Variants in CST7 observed in about 807,000 individuals in gnomAD.
The protein encoded by CST7 is cystatin-F.
Under a neutral mutation model 13.1 loss-of-function variants are expected in CST7, and 15 were observed. That is an observed-to-expected ratio of 1.14 (90% CI 0.77 to 1.76). The LOEUF (loss-of-function observed/expected upper bound fraction) is 1.76. CST7 is among the 40% of genes most tolerant of loss of function. CST7 has a pLI of 0.00. For synonymous variants in CST7, 75 were observed against 66.9 expected (o/e 1.12, Z -0.59); for missense variants, 193 against 178.8 (o/e 1.08, Z -0.45).
chr20:24,950,618 G>A (rs537609822), intron 1 of CST7, among the ~76,000 whole-genome samples: 1 of 152,312 alleles, frequency 6.6e-6, no homozygotes, highest in East Asian at 1.9e-4. Flanking sequence ...ACCGCCACCA[G>A]CTCTGGGTAG....
intron 1 of CST7, among the ~76,000 whole-genome samples, chr20:24,952,862 G>A (rs1466024499): frequency 6.6e-6 from 1 of 152,202 alleles, no homozygotes; most frequent in Non-Finnish European, 1.5e-5. Context: ...CTGAAAGAGG[G>A]AGGAGGTGGG....
intron 1 of CST7, among the ~76,000 whole-genome samples, chr20:24,954,519 T>C (rs893674989): frequency 6.6e-6 from 1 of 152,226 alleles, no homozygotes; most frequent in Non-Finnish European, 1.5e-5. Context: ...TGATCAACAT[T>C]TCCTTGTTAA....
At chr20:24,954,350 T>C (rs1487983139) in intron 1 of CST7, among the ~76,000 whole-genome samples, 1 of 152,162 alleles carries the variant, frequency 6.6e-6, no homozygotes, top group Admixed American at 6.5e-5. Context: ...CTGCCTTCAG[T>C]TGCACGGAGC....
chr20:24,958,786 C>G (rs535079163), intron 2 of CST7, 142 bp from the exon 3 acceptor site: 3 of 670,344 alleles, frequency 4.5e-6, no homozygotes, highest in Admixed American at 2.2e-5. Context: ...GCCGTAAGCC[C>G]GAAGCATTGC....
Position 24,959,737 on chromosome 20 carries a change from A to G in CST7, c.*25A>G. 2.5e-6 allele frequency: 4 copies of G among 1,610,560 alleles called. No homozygotes were observed. Among genetic ancestry groups the G allele is most frequent in the Non-Finnish European group, 2.5e-6 (3 of 1,176,896 alleles). ...ACCCCCGCCTCTTCAGCAAGACCAC[A>G]GCCATGACAAACACCAGGATGCATG... On this transcript the variant is annotated 3_prime_UTR_variant, in exon 4 of 4. Transcript: ENST00000480798.
intron 1 of CST7, among the ~76,000 whole-genome samples, chr20:24,955,094 C>T (rs1395001286): frequency 1.3e-5 from 2 of 151,856 alleles, no homozygotes; most frequent in African/African-American, 4.8e-5. Flanking sequence ...ATACACTGAA[C>T]ACATGCTACC....
chr20:24,956,153 G>A (rs1030211188), intron 1 of CST7, among the ~76,000 whole-genome samples: 1 of 152,198 alleles, frequency 6.6e-6, no homozygotes, highest in Admixed American at 6.5e-5. Context: ...CAGCCTGGGG[G>A]TGCCACGTGG....
At position 24,959,859 on chromosome 20, in the gene CST7, G is replaced by A; in HGVS notation, c.*147G>A. ...GTGAAGTGCCACTGGGTCACCGCAG[G>A]GCAGCTGGAATGGCAGCATGGTAGC... On this transcript the variant is annotated 3_prime_UTR_variant, in exon 4 of 4. Coordinates refer to ENST00000480798, the MANE Select transcript of CST7 (RefSeq NM_003650.4). The A allele has an allele frequency of 1.4e-6, 1 of 725,142 alleles. No homozygotes were observed. Among genetic ancestry groups the A allele is most frequent in the Non-Finnish European group, 2.4e-6 (1 of 409,464 alleles). The allele number at this position is 725,142 out of a possible 1,614,324, so 44.9% of individuals were successfully genotyped here.
intron 1 of CST7, among the ~76,000 whole-genome samples, chr20:24,950,551 C>T (rs933877735): frequency 7.2e-5 from 11 of 152,220 alleles, no homozygotes; most frequent in Non-Finnish European, 1.2e-4. Context: ...CAAGGGGACA[C>T]GGCAGGCTGG....
At chr20:24,958,805 G>T in intron 2 of CST7, 123 bp from the exon 3 acceptor site, 4 of 720,986 alleles carry the variant, frequency 5.5e-6, no homozygotes. Context: ...GCCCCAAGAT[G>T]CTGGCCCACT....
intron 1 of CST7, among the ~76,000 whole-genome samples, chr20:24,951,116 T>C (rs533639994): frequency 2.0e-4 from 31 of 152,142 alleles, no homozygotes; most frequent in Non-Finnish European, 4.4e-4. Flanking sequence ...TGGTATGTAA[T>C]GCTGCACCAA....
intron 2 of CST7, 48 bp from the exon 3 acceptor site, chr20:24,958,880 G>T: frequency 1.4e-6 from 2 of 1,396,736 alleles, no homozygotes; most frequent in Non-Finnish European, 2.0e-6. Flanking sequence ...GGAGAAGCCT[G>T]CCCTCCCTCC....
chr20:24,951,945 C>T (rs757022849), intron 1 of CST7, among the ~76,000 whole-genome samples: 5 of 152,218 alleles, frequency 3.3e-5, no homozygotes, highest in Non-Finnish European at 7.3e-5. Context: ...GCCCTGGGGT[C>T]AGGGAGCCAT....
Position 24,957,435 on chromosome 20 carries a change from C to A in CST7, c.219C>A (p.Ser73=), listed in dbSNP as rs766095478. The A allele has an allele frequency of 2.4e-5, 38 of 1,613,640 alleles. 1 individual carries two copies. The South Asian group carries it at 4.2e-4, about 18-fold the overall frequency. The part of the protein sequence containing the change: ...CTNDMFLFKE[S]RITRALVQIV... The stretch of plus-strand genomic sequence containing the variant: ...ACGACATGTTCTTGTTCAAGGAGTC[C>A]CGCATCACAAGGGCCCTAGTTCAGG... Residue 73 remains serine, a synonymous_variant, in exon 2 of 4, where the codon TCC becomes TCA. Transcript: ENST00000480798.
intron 3 of CST7, 76 bp downstream of exon 3, chr20:24,959,120 C>A: frequency 8.6e-7 from 1 of 1,163,110 alleles, no homozygotes; most frequent in Non-Finnish European, 1.3e-6. Flanking sequence ...TGAAAAACAC[C>A]GTCACCACGT....
chr20:24,951,342 C>G (rs372722970), intron 1 of CST7, among the ~76,000 whole-genome samples: 1 of 152,208 alleles, frequency 6.6e-6, no homozygotes. Context: ...GCATGGGGTG[C>G]TCTCCGCCAG....
intron 1 of CST7, among the ~76,000 whole-genome samples, chr20:24,956,689 G>A (rs2087856873): frequency 6.6e-6 from 1 of 151,974 alleles, no homozygotes; most frequent in Admixed American, 6.5e-5. Context: ...CCTGGGGGCT[G>A]GGCCTGAGAC....
chr20:24,956,583 G>A (rs987661906), intron 1 of CST7, among the ~76,000 whole-genome samples: 2 of 152,146 alleles, frequency 1.3e-5, no homozygotes, highest in Non-Finnish European at 2.9e-5. Flanking sequence ...GGGACACAGT[G>A]CACTGTCACT....
intron 1 of CST7, 131 bp from the exon 2 acceptor site, chr20:24,957,156 G>A (rs2087863469): frequency 2.3e-6 from 2 of 859,884 alleles, no homozygotes; most frequent in African/African-American, 3.6e-5. Flanking sequence ...AGGGGGAGCA[G>A]GTGAGGGGTG....
Sources: gnomAD v4.1 joint callset for allele counts (sites outside exome capture counted in the v4.1 genomes callset) on GRCh38, gnomAD v4.1.1 for gene constraint, MANE v1.5 for transcripts, NCBI Gene and HGNC (gene_info 2026-07-23, HGNC 2026-07-21) for gene names.